The following MCM3AP variants were observed in gnomAD, a reference collection of about 807,000 sequenced individuals.
MCM3AP encodes germinal-center associated nuclear protein.
Under a neutral mutation model 184.1 loss-of-function variants are expected in MCM3AP, and 126 were observed. The ratio of observed to expected loss-of-function variants is 0.68; its 90% confidence interval spans 0.59 to 0.79. MCM3AP has a LOEUF of 0.79. MCM3AP is among the 30% of genes least tolerant of loss of function. The probability of loss-of-function intolerance (pLI) is 0.00; values close to 1 mark genes in which losing one functional copy is unlikely to be tolerated. For missense variants in MCM3AP, 2,496 were observed against 2,479.2 expected (o/e 1.01, Z -0.14); for synonymous variants, 1,002 against 979.3 (o/e 1.02, Z -0.43).
rs1460768479 is a variant in MCM3AP, at chr21:46,285,112, G to C, written c.175C>G (p.Pro59Ala). The change falls in exon 1 of 28, where the codon CCA (proline) becomes GCA (alanine). Residue 59 changes from proline (P) to alanine (A), a missense_variant. Transcript: ENST00000291688. ...SSGFSQVSSFPASSGVSHSSS... is the reference protein window; with the variant it reads ...SSGFSQVSSFAASSGVSHSSS... ...GAATGACTTACTCCAGAAGACGCTG[G>C]AAAGCTGGATACCTGTGAAAATCCC... 1 of 1,614,204 alleles carries C rather than the reference G, an allele frequency of 6.2e-7. No individual in the cohort carries two copies. The highest frequency in any genetic ancestry group is 8.5e-7 in the Non-Finnish European group (1 of 1,180,028).
At chr21:46,276,740 A>AT (rs34562786) in intron 5 of MCM3AP, among the ~76,000 whole-genome samples, 55,036 of 131,112 alleles carry the variant, frequency 0.42, 11,388 homozygotes, top group Admixed American at 0.5. Flanking sequence ...CACGCCCAGC[A>AT]TTTTTTTTTT....
chr21:46,271,838 G>A (rs1401661406), intron 8 of MCM3AP, among the ~76,000 whole-genome samples: 1 of 151,938 alleles, frequency 6.6e-6, no homozygotes, highest in East Asian at 1.9e-4. Flanking sequence ...TCCGGCCTGG[G>A]CAACAGAGCA....
At chr21:46,260,353 G>A (rs1278665743) in intron 15 of MCM3AP, among the ~76,000 whole-genome samples, 4 of 152,194 alleles carry the variant, frequency 2.6e-5, no homozygotes, top group Non-Finnish European at 5.9e-5. Context: ...CACAGGTGCA[G>A]TCATAGCACA....
At position 46,236,841 on chromosome 21, in the gene MCM3AP, A is replaced by G. The variant is rs746765745; in HGVS notation, c.5772T>C (p.Thr1924=). ...TIEPVMKTSV[T]TSPQSDMMRE... ...ACGTTCTTCTCACCTGTGGGCTAGT[A>G]GTTACAGATGTTTTCATCACAGGTT... Residue 1924 remains threonine (T), a synonymous_variant, in exon 27 of 28, where the codon ACT becomes ACC. Coordinates refer to ENST00000291688, the MANE Select transcript of MCM3AP (RefSeq NM_003906.5). The G allele has an allele frequency of 1.9e-6, 3 of 1,555,256 alleles. No individual in the cohort carries two copies. Among genetic ancestry groups the G allele is most frequent in the Admixed American group, 2.1e-5 (1 of 47,574 alleles).
rs778151923 is a variant in MCM3AP at position 46,284,392 on chromosome 21, G to T, written c.895C>A (p.Arg299Ser). 2 of 1,614,180 alleles carry T rather than the reference G, an allele frequency of 1.2e-6. No individual in the cohort carries two copies. The highest frequency in any genetic ancestry group is 1.7e-6 in the Non-Finnish European group (2 of 1,180,030). The stretch of plus-strand genomic sequence containing the variant: ...TCGTGGCCATGTCTCCTTGGGGAGC[G>T]ATCCTGGTCCTCCTTCCTTTTCAGT... ...KGLKRKEDQD[R>S]SPRRHGHEPA... Residue 299 changes from arginine to serine, a missense_variant, in exon 1 of 28, where the codon CGC (arginine) becomes AGC (serine). Around this residue, in one of 5 missense-constraint regions of MCM3AP, gnomAD observed 800 missense variants for 717.1 expected, o/e 1.12. Transcript: ENST00000291688.
chr21:46,275,148 C>T, intron 6 of MCM3AP, 38 bp downstream of exon 6: 5 of 1,589,396 alleles, frequency 3.1e-6, no homozygotes, highest in Non-Finnish European at 4.3e-6. Context: ...GCAGCCCCGT[C>T]CCCTGCCCAC....
chr21:46,283,688 C>A lies in MCM3AP; in HGVS notation c.1370G>T (p.Gly457Val). ...NDRTILENHF[G>V]KIAKVQRIFT... is the part of the protein sequence containing the mutation. ...GATGCGCTGCACTTTAGCAATTTTG[C>A]CAAAATGGTTCTCCAGAATGGTCCT... Residue 457 changes from glycine to valine, a missense_variant, in exon 2 of 28, where the codon GGC (glycine) becomes GTC (valine). Physicochemically the swap from Gly to Val is moderately radical, Grantham distance 109 (BLOSUM62 -3). This residue lies in a region of MCM3AP where 800 missense variants were observed against 717.1 expected (regional missense o/e 1.12). Transcript: ENST00000291688. 3 of 1,614,104 alleles carry A rather than the reference C, an allele frequency of 1.9e-6. No individual in the cohort carries two copies. The highest frequency in any genetic ancestry group is 2.5e-6 in the Non-Finnish European group (3 of 1,180,010).
chr21:46,264,958 G>A (rs1037687249), intron 12 of MCM3AP, among the ~76,000 whole-genome samples: 3 of 150,224 alleles, frequency 2.0e-5, no homozygotes, highest in African/African-American at 7.4e-5. Flanking sequence ...GCCCACTCCA[G>A]GCCACACCCA....
Position 46,236,978 on chromosome 21 carries a change from A to G in MCM3AP, c.5635T>C (p.Phe1879Leu). The G allele has an allele frequency of 6.6e-7, 1 of 1,510,272 alleles. No homozygotes were observed. The highest frequency in any genetic ancestry group is 8.8e-7 in the Non-Finnish European group (1 of 1,135,890). The allele number at this position is 1,510,272 out of a possible 1,614,324, so 93.6% of individuals were successfully genotyped here. ...AACCATTGCTGAAGCTGATCTTCAA[A>G]CCTGAAACAATATGTAATAAATTCA... ...LLLEKEENKR[F>L]EDQLQQWLSE... The change falls in exon 27 of 28, where the codon TTT becomes CTT. Residue 1879 changes from phenylalanine to leucine, a missense_variant and splice_region_variant. Transcript: ENST00000291688.
At chr21:46,247,086 T>C in intron 20 of MCM3AP, 200 bp from the exon 21 acceptor site, 1 of 555,106 alleles carries the variant, frequency 1.8e-6, no homozygotes, top group Non-Finnish European at 3.2e-6. Context: ...GGCCCCTCTT[T>C]CCCTAAATCC....
At chr21:46,247,135 T>C in intron 20 of MCM3AP, 1 of 446,790 alleles carries the variant, frequency 2.2e-6, no homozygotes, top group Non-Finnish European at 4.0e-6. Context: ...TTTTTTTTTT[T>C]TGAGAAGGGG....
chr21:46,266,048 G>A lies in MCM3AP; in HGVS notation c.2908C>T (p.Pro970Ser), dbSNP rs781354972. ...GTATGACGAGGGACGGGGGGCAATGGCCCTCCGTTCACAATTTCCCCGACT... is the reference window on the plus strand; with the variant it reads ...GTATGACGAGGGACGGGGGGCAATGACCCTCCGTTCACAATTTCCCCGACT... ...VSVGEIVNGG[P>S]LPPVPRHTPV... is the part of the protein sequence containing the mutation. The change falls in exon 11 of 28, where the codon CCA becomes TCA. Residue 970 changes from proline to serine, a missense_variant. By Grantham distance (74) the Pro-to-Ser change is moderately conservative (BLOSUM62 -1). Coordinates refer to ENST00000291688, the MANE Select transcript of MCM3AP (RefSeq NM_003906.5). 2 of 1,612,206 alleles carry A rather than the reference G, an allele frequency of 1.2e-6. No individual in the cohort carries two copies. Among genetic ancestry groups the A allele is most frequent in the South Asian group, 2.2e-5 (2 of 90,278 alleles).
rs774625699 is a variant in MCM3AP at position 46,265,498 on chromosome 21, A to G, written c.3057T>C (p.Gly1019=). Residue 1019 remains glycine (G), a synonymous_variant, in exon 12 of 28, where the codon GGT becomes GGC. Transcript: ENST00000291688. ...TVGGGRGEEC[G]VEPDAPLSSL... ...TGGACAGGGGTGCATCCGGCTCTAC[A>G]CCACACTCCTCTCCTCTCCCTCCGC... 6.2e-7 allele frequency: 1 copy of G among 1,607,744 alleles called. No homozygotes were observed. Among genetic ancestry groups the G allele is most frequent in the Non-Finnish European group, 8.5e-7 (1 of 1,176,608 alleles).
chr21:46,257,113 C>T, intron 16 of MCM3AP, 127 bp from the exon 17 acceptor site: 1 of 1,318,786 alleles, frequency 7.6e-7, no homozygotes, highest in East Asian at 2.5e-5. Flanking sequence ...AATGAAACTA[C>T]CGAACGTTAA....
In MCM3AP at chr21:46,242,747, T is replaced by C. The variant is rs2080689779; in HGVS notation, c.5426+55A>G. ...GTAGGATGTTAATTTCTATTTACTT[T>C]GCAAGAAAAATACAGTTTAGCAAGC... On this transcript the variant is annotated intron_variant, in intron 25 of 27. Coordinates refer to ENST00000291688, the MANE Select transcript of MCM3AP (RefSeq NM_003906.5). 10 of 1,555,802 alleles carry C rather than the reference T, an allele frequency of 6.4e-6. No individual in the cohort carries two copies. In the South Asian group the frequency reaches 1.2e-4, roughly 19 times the overall value.
intron 22 of MCM3AP, 70 bp from the exon 23 acceptor site, chr21:46,245,267 T>G: frequency 6.7e-7 from 1 of 1,482,724 alleles, no homozygotes. Context: ...TGAAAGGGCT[T>G]GATCCCCCAA....
rs188736102 is a variant in MCM3AP, at chr21:46,261,195, T to C, written c.3467+85A>G. On this transcript the variant is annotated intron_variant, in intron 14 of 27. Coordinates refer to ENST00000291688, the MANE Select transcript of MCM3AP (RefSeq NM_003906.5). ...GGTGGAATGGTAGCACAGTGGACAA[T>C]AGCAGGAGCATCGTGGCTAGGGTCA... The C allele has an allele frequency of 2.3e-4, 343 of 1,521,820 alleles. 1 individual carries two copies. The highest frequency in any genetic ancestry group is 6.5e-4 in the East Asian group (29 of 44,382). The allele number at this position is 1,521,820 out of a possible 1,614,324, so 94.3% of individuals were successfully genotyped here. A position where few individuals can be genotyped will look rare whatever the true frequency, so the allele number is the denominator to read the frequency against.
chr21:46,246,071 G>A (rs901476288), intron 22 of MCM3AP, among the ~76,000 whole-genome samples: 2 of 152,146 alleles, frequency 1.3e-5, no homozygotes. Context: ...GCTGCCAGGC[G>A]CAGTGGCACA....
In MCM3AP at chr21:46,280,215, G is replaced by A. The variant is rs16979053; in HGVS notation, c.1523-78C>T. 0.011 allele frequency: 15,350 copies of A among 1,431,266 alleles called. 1,111 individuals carry two copies. In the African/African-American group the frequency reaches 0.18, roughly 16 times the overall value. 88.7% of individuals were successfully genotyped at this position (1,431,266 alleles called of 1,614,324 possible). A position where few individuals can be genotyped will look rare whatever the true frequency, so the allele number is the denominator to read the frequency against. ...CTGGATTTTTTCACTCTGTTTCTAAGAAAGTAATATTATTTTCATTGTCAC... is the reference window on the plus strand; with the variant it reads ...CTGGATTTTTTCACTCTGTTTCTAAAAAAGTAATATTATTTTCATTGTCAC... On this transcript the variant is annotated intron_variant, in intron 3 of 27. Transcript: ENST00000291688.
Sources: gnomAD v4.1 joint callset for allele counts (sites outside exome capture counted in the v4.1 genomes callset) on GRCh38, gnomAD v4.1.1 for gene constraint, gnomAD v4.1.1 regional missense constraint, MANE v1.5 for transcripts, NCBI Gene and HGNC (gene_info 2026-07-23, HGNC 2026-07-21) for gene names.